Variants in MTR observed in about 807,000 individuals in gnomAD.
MTR encodes 5-methyltetrahydrofolate-homocysteine methyltransferase.
A neutral mutation model predicts 154.8 loss-of-function variants in MTR; 84 were observed. The observed-to-expected ratio is 0.54, with a 90% confidence interval of 0.45 to 0.65. The LOEUF (loss-of-function observed/expected upper bound fraction) is 0.65, where lower values mean the gene tolerates loss of function less well. MTR is among the 30% of genes least tolerant of loss of function. The pLI, the probability that MTR is intolerant of heterozygous loss-of-function variation, is 0.00. For synonymous variants in MTR, 554 were observed against 553.9 expected (o/e 1.00, Z 0.00); for missense variants, 1,275 against 1,570.2 (o/e 0.81, Z 3.18).
chr1:236,823,011 C>A (rs906521567), intron 8 of MTR, among the ~76,000 whole-genome samples: 2 of 151,906 alleles, frequency 1.3e-5, no homozygotes, highest in East Asian at 1.9e-4. Flanking sequence ...TCCCCCTATT[C>A]CTAGTTTGCT....
At chr1:236,846,926 G>T (rs925884973) in intron 15 of MTR, among the ~76,000 whole-genome samples, 1 of 151,738 alleles carries the variant, frequency 6.6e-6, no homozygotes, top group Non-Finnish European at 1.5e-5. Context: ...TCACTCTGTC[G>T]TGCAGGCTGA....
rs1331589901 is a variant in MTR at position 236,902,400 on chromosome 1, T to C, written c.*4756T>C. On this transcript the variant is annotated 3_prime_UTR_variant, in exon 33 of 33. Coordinates refer to ENST00000366577, the MANE Select transcript of MTR (RefSeq NM_000254.3). ...TCATACAGCCCTTGCTGAAACTTCATCTAGTTCTCTGTTAGACTTAACATT... is the reference window on the plus strand; with the variant it reads ...TCATACAGCCCTTGCTGAAACTTCACCTAGTTCTCTGTTAGACTTAACATT... 2 of 152,090 alleles carry C rather than the reference T, an allele frequency of 1.3e-5. No homozygotes were observed. The highest frequency in any genetic ancestry group is 2.9e-5 in the Non-Finnish European group (2 of 68,050). The allele number at this position is 152,090 out of a possible 1,614,324, so 9.4% of individuals were successfully genotyped here. A position where few individuals can be genotyped will look rare whatever the true frequency, so the allele number is the denominator to read the frequency against.
intron 2 of MTR, among the ~76,000 whole-genome samples, chr1:236,804,659 A>G (rs1053834311): frequency 6.6e-6 from 1 of 152,172 alleles, no homozygotes; most frequent in African/African-American, 2.4e-5. Context: ...TCTTTTAAAA[A>G]AAACTTAAAT....
At chr1:236,878,362 A>G (rs1665546128) in intron 24 of MTR, among the ~76,000 whole-genome samples, 1 of 152,210 alleles carries the variant, frequency 6.6e-6, no homozygotes, top group Non-Finnish European at 1.5e-5. Flanking sequence ...ACTTAGCAGT[A>G]GCTCATTAGC....
chr1:236,817,936 T>G (rs983827039), intron 8 of MTR, among the ~76,000 whole-genome samples: 1 of 152,200 alleles, frequency 6.6e-6, no homozygotes, highest in African/African-American at 2.4e-5. Context: ...CTGTAGTGTT[T>G]AGTGGAATTC....
Position 236,799,421 on chromosome 1 carries a change from C to T in MTR, c.34+3684C>T, listed in dbSNP as rs573544724. 4.6e-5 allele frequency among the ~76,000 whole-genome samples: 7 copies of T among 152,222 alleles called. No individual in the cohort carries two copies. In the East Asian group the frequency reaches 1.3e-3, roughly 29 times the overall value. On this transcript the variant is annotated intron_variant, in intron 1 of 32. Transcript: ENST00000366577. Reference sequence around the variant, plus strand: ...TACAAGTGTGAACCACCACACCCAGCCCAAGTAATGGATTTTTAAGGGCCT... The same window carrying T: ...TACAAGTGTGAACCACCACACCCAGTCCAAGTAATGGATTTTTAAGGGCCT...
At chr1:236,881,848 A>C (rs1391468189) in intron 25 of MTR, among the ~76,000 whole-genome samples, 2 of 152,208 alleles carry the variant, frequency 1.3e-5, no homozygotes, top group African/African-American at 4.8e-5. Flanking sequence ...TCCTCAGGCT[A>C]ACCTCATGAT....
intron 12 of MTR, among the ~76,000 whole-genome samples, chr1:236,831,347 T>G (rs1186861081): frequency 1.3e-5 from 2 of 152,168 alleles, no homozygotes. Flanking sequence ...ATTATGTTGG[T>G]GGATAAGGAA....
rs778603574 is a variant in MTR, at chr1:236,816,459, C to T, written c.680C>T (p.Thr227Met). The stretch of plus-strand genomic sequence containing the variant: ...ACTTTGTCAATTCAGATTTCAGGGA[C>T]GATCGTTGATAAAAGTGGGCGGACT... Reference protein sequence around the residue: ...YAPRPIFISGTIVDKSGRTLS... With the variant: ...YAPRPIFISGMIVDKSGRTLS... Residue 227 changes from threonine to methionine, a missense_variant, in exon 8 of 33, where the codon ACG becomes ATG. Transcript: ENST00000366577. 6.8e-6 allele frequency: 11 copies of T among 1,613,938 alleles called. No individual in the cohort carries two copies. Among genetic ancestry groups the T allele is most frequent in the Non-Finnish European group, 9.3e-6 (11 of 1,179,868 alleles).
In MTR at chr1:236,903,440, A is replaced by G. The variant is rs1558358558; in HGVS notation, c.*5796A>G. The G allele has an allele frequency of 1.3e-5, 2 of 152,096 alleles. No individual in the cohort carries two copies. The highest frequency in any genetic ancestry group is 4.8e-5 in the African/African-American group (2 of 41,382). 9.4% of individuals were successfully genotyped at this position (152,096 alleles called of 1,614,324 possible). ...ACTTGGAATATCTAATTCCATTTAC[A>G]CTGCATTCTTCAAATGTAATTTTCA... On this transcript the variant is annotated 3_prime_UTR_variant, in exon 33 of 33. Transcript: ENST00000366577.
intron 22 of MTR, among the ~76,000 whole-genome samples, chr1:236,872,754 G>A (rs4659479): frequency 0.64 from 97,873 of 152,078 alleles, 31,741 homozygotes; most frequent in South Asian, 0.7. Flanking sequence ...GCTCAAGCCT[G>A]TAATCCCAAA....
rs145671768 is a variant in MTR, at chr1:236,890,286, G to T, written c.3008-847G>T. Among the ~76,000 whole-genome samples, 965 of 152,280 alleles carry T rather than the reference G, an allele frequency of 6.3e-3. 4 individuals carry two copies. Among genetic ancestry groups the T allele is most frequent in the Middle Eastern group, 0.014 (4 of 294 alleles). The stretch of plus-strand genomic sequence containing the variant: ...CAGGTGAGCTGTCCAGGGGCCGTGG[G>T]ACAGGCTTCTCACCATGGGCAGGGT... On this transcript the variant is annotated intron_variant, in intron 28 of 32. Transcript: ENST00000366577.
At chr1:236,879,276 GT>G in intron 24 of MTR, among the ~76,000 whole-genome samples, 1 of 152,282 alleles carries the variant, frequency 6.6e-6, no homozygotes, top group Non-Finnish European at 1.5e-5. Context: ...ATCTTCCTGT[GT>G]TTTTTCTAAA....
chr1:236,831,793 A>T (rs1662626226), intron 12 of MTR, among the ~76,000 whole-genome samples, 173 bp from the exon 13 acceptor site: 1 of 152,212 alleles, frequency 6.6e-6, no homozygotes, highest in Non-Finnish European at 1.5e-5. Context: ...CCTTTACTGC[A>T]TTTGAATCTC....
intron 1 of MTR, among the ~76,000 whole-genome samples, chr1:236,796,570 C>T (rs977191891): frequency 1.3e-5 from 2 of 152,074 alleles, no homozygotes; most frequent in African/African-American, 4.8e-5. Flanking sequence ...AAATTCGTAA[C>T]GCACAAGGAA....
At chr1:236,891,708 ACTGT>A (rs1666335088) in intron 29 of MTR, among the ~76,000 whole-genome samples, 1 of 152,186 alleles carries the variant, frequency 6.6e-6, no homozygotes, top group South Asian at 2.1e-4. Flanking sequence ...ATTAAAATAG[ACTGT>A]CAGGTGGCTT....
intron 13 of MTR, among the ~76,000 whole-genome samples, chr1:236,832,697 C>A (rs1662682030): frequency 6.6e-6 from 1 of 152,146 alleles, no homozygotes; most frequent in Admixed American, 6.5e-5. Context: ...TTTGCCTGGG[C>A]CTTAATGATA....
At chr1:236,834,371 A>G (rs1464986795) in intron 13 of MTR, among the ~76,000 whole-genome samples, 32 of 151,942 alleles carry the variant, frequency 2.1e-4, no homozygotes, top group Non-Finnish European at 1.5e-5. Context: ...GTAGAGATGG[A>G]GTTTTGCCAT....
chr1:236,867,829 T>A (rs1259113453), intron 22 of MTR, among the ~76,000 whole-genome samples: 1 of 152,164 alleles, frequency 6.6e-6, no homozygotes, highest in Admixed American at 6.6e-5. Flanking sequence ...AGCCTGAAGA[T>A]GGGAATGAAT....
Sources: allele counts gnomAD v4.1 joint callset (sites outside exome capture counted in the v4.1 genomes callset), GRCh38; gene constraint gnomAD v4.1.1; transcripts MANE v1.5; gene names NCBI Gene and HGNC (gene_info 2026-07-23, HGNC 2026-07-21).